The following COA1 variants were observed in gnomAD, a reference collection of about 807,000 sequenced individuals.
COA1 encodes the protein cytochrome c oxidase assembly factor 1 homolog.
Under a neutral mutation model 16.0 loss-of-function variants are expected in COA1, and 13 were observed. The observed-to-expected ratio is 0.81, with a 90% CI of 0.53 to 1.29. COA1 has a LOEUF of 1.29. Among genes scored for constraint, COA1 ranks in the 50% most tolerant of loss-of-function variants. COA1 has a pLI of 0.00. For synonymous variants in COA1, 65 were observed against 65.7 expected (o/e 0.99, Z 0.05); for missense variants, 179 against 177.0 (o/e 1.01, Z -0.06).
At chr7:43,704,986 T>C in intron 1 of COA1, among the ~76,000 whole-genome samples, 1 of 152,256 alleles carries the variant, frequency 6.6e-6, no homozygotes, top group Non-Finnish European at 1.5e-5. Flanking sequence ...TCTTGCTTTT[T>C]ATATTCTTTG....
chr7:43,712,984 C>T (rs988603363), intron 1 of COA1, among the ~76,000 whole-genome samples: 1 of 152,008 alleles, frequency 6.6e-6, no homozygotes, highest in Non-Finnish European at 1.5e-5. Context: ...GACAGAGTCT[C>T]GTTCTGTCAC....
At chr7:43,659,046 A>C (rs146776304) in intron 1 of COA1, 46 of 152,342 alleles carry the variant, frequency 3.0e-4, no homozygotes, top group African/African-American at 1.1e-3. Flanking sequence ...CTTTTTGTTA[A>C]AGATTTCTCT....
chr7:43,683,503 AG>A (rs1212520444), intron 1 of COA1, among the ~76,000 whole-genome samples: 3 of 152,134 alleles, frequency 2.0e-5, no homozygotes, highest in Non-Finnish European at 4.4e-5. Context: ...GCATGGTGGC[AG>A]GCACCTGTAG....
intron 6 of COA1, chr7:43,624,387 C>A: frequency 2.4e-6 from 2 of 848,646 alleles, no homozygotes; most frequent in Non-Finnish European, 1.7e-6. Context: ...TAGTTTTATT[C>A]AGGAATCACA....
intron 6 of COA1, among the ~76,000 whole-genome samples, chr7:43,620,926 T>G (rs1163877779): frequency 6.6e-6 from 1 of 152,078 alleles, no homozygotes; most frequent in Non-Finnish European, 1.5e-5. Flanking sequence ...GAAGACTCTG[T>G]GCCTGAGGGT....
chr7:43,666,503 T>C (rs1291515439), intron 1 of COA1, among the ~76,000 whole-genome samples: 1 of 152,218 alleles, frequency 6.6e-6, no homozygotes, highest in African/African-American at 2.4e-5. Context: ...GTGTTGTGTG[T>C]AATGTCTATA....
intron 1 of COA1, among the ~76,000 whole-genome samples, chr7:43,708,792 G>A (rs1391259430): frequency 6.6e-6 from 1 of 151,340 alleles, no homozygotes; most frequent in African/African-American, 2.4e-5. Flanking sequence ...TCACTGATTT[G>A]TAGTCCTTCC....
chr7:43,639,327 A>ATACAT lies in COA1; in HGVS notation c.*250_*254dup, dbSNP rs1280129717. 3.3e-6 allele frequency: 1 copy of ATACAT among 300,372 alleles called. No individual in the cohort carries two copies. The highest frequency in any genetic ancestry group is 6.2e-6 in the Non-Finnish European group (1 of 160,986). 18.6% of individuals were successfully genotyped at this position (300,372 alleles called of 1,614,324 possible). A position where few individuals can be genotyped will look rare whatever the true frequency, so the allele number is the denominator to read the frequency against. ...GCTTTTTTATACAAAGCACTTTCAA[A>ATACAT]TACATTACATTATCTTAAATTTATA... On this transcript the variant is annotated 3_prime_UTR_variant, in exon 6 of 6. Transcript: ENST00000223336.
chr7:43,658,097 C>T (rs1263130096), intron 1 of COA1, among the ~76,000 whole-genome samples: 1 of 151,804 alleles, frequency 6.6e-6, no homozygotes, highest in Non-Finnish European at 1.5e-5. Flanking sequence ...CTGCTGAAGG[C>T]CCGGCGCTGT....
rs527979832 is a variant in COA1, at chr7:43,672,810, G to A, written c.-38-24158C>T. Among the ~76,000 whole-genome samples, 8 of 151,074 alleles carry A rather than the reference G, an allele frequency of 5.3e-5. No individual in the cohort carries two copies. The East Asian group carries it at 1.4e-3, about 26-fold the overall frequency. On this transcript the variant is annotated intron_variant, in intron 1 of 5. Transcript: ENST00000223336. ...AAAAAGAGAGAGAGACAGAAAGAAG[G>A]AAACAGACACATATACCAATGGAAC...
At chr7:43,653,465 G>GT (rs1013670824) in intron 1 of COA1, among the ~76,000 whole-genome samples, 1 of 152,064 alleles carries the variant, frequency 6.6e-6, no homozygotes, top group Non-Finnish European at 1.5e-5. Context: ...CATGATAAAA[G>GT]TTTTTTTAAG....
At chr7:43,621,193 C>T (rs1030746140) in intron 6 of COA1, among the ~76,000 whole-genome samples, 1 of 152,120 alleles carries the variant, frequency 6.6e-6, no homozygotes, top group African/African-American at 2.4e-5. Context: ...ATAAAAGATG[C>T]CACAGGCACA....
chr7:43,729,064 A>T (rs2095684174), intron 1 of COA1, among the ~76,000 whole-genome samples: 1 of 152,318 alleles, frequency 6.6e-6, no homozygotes, highest in East Asian at 1.9e-4. Context: ...TGGGCAGCGT[A>T]CTCCTCAGGG....
intron 1 of COA1, among the ~76,000 whole-genome samples, chr7:43,708,021 T>C (rs960639500): frequency 1.3e-5 from 2 of 152,136 alleles, no homozygotes; most frequent in African/African-American, 4.8e-5. Flanking sequence ...CTGACCAACA[T>C]GGTGAAACCC....
intron 4 of COA1, 24 bp downstream of exon 4, chr7:43,645,227 C>CT (rs2153086424): frequency 6.2e-7 from 1 of 1,610,540 alleles, no homozygotes; most frequent in South Asian, 1.1e-5. Flanking sequence ...CACCAGCCTG[C>CT]GGTTCGCAGG....
intron 6 of COA1, among the ~76,000 whole-genome samples, chr7:43,612,326 A>G (rs192133008): frequency 1.5e-3 from 229 of 152,328 alleles, no homozygotes; most frequent in African/African-American, 5.1e-3. Flanking sequence ...TGGTATGGCA[A>G]CCATGCATGC....
chr7:43,623,691 A>G, intron 6 of COA1: 3 of 1,600,938 alleles, frequency 1.9e-6, no homozygotes, highest in Admixed American at 1.8e-5. Context: ...TTTTTCTTGC[A>G]TTTTCTTTCT....
intron 1 of COA1, among the ~76,000 whole-genome samples, chr7:43,689,039 C>T (rs1465009469): frequency 6.6e-6 from 1 of 152,136 alleles, no homozygotes; most frequent in East Asian, 1.9e-4. Flanking sequence ...TCTCTCTAAC[C>T]CCACGTATTT....
intron 1 of COA1, among the ~76,000 whole-genome samples, chr7:43,723,163 GC>G (rs1367319177): frequency 1.3e-5 from 2 of 152,300 alleles, no homozygotes; most frequent in African/African-American, 4.8e-5. Flanking sequence ...CCTTAGGGCT[GC>G]CCTTAAGCCA....
Sources: allele counts gnomAD v4.1 joint callset (sites outside exome capture counted in the v4.1 genomes callset), GRCh38; gene constraint gnomAD v4.1.1; transcripts MANE v1.5; gene names NCBI Gene and HGNC (gene_info 2026-07-23, HGNC 2026-07-21).